Variants in ZNF717 observed in about 807,000 individuals in gnomAD.
ZNF717 encodes zinc finger protein 717, also known as krueppel-like factor X17.
Under a neutral mutation model 13.8 loss-of-function variants are expected in ZNF717, and 9 were observed. The ratio of observed to expected loss-of-function variants is 0.65; its 90% CI spans 0.39 to 1.14. The LOEUF is 1.14. Among genes scored for constraint, ZNF717 ranks in the 50% most tolerant of loss-of-function variants. ZNF717 has a pLI of 0.01. For missense variants in ZNF717, 1,040 were observed against 1,080.7 expected (o/e 0.96, Z 0.53); for synonymous variants, 327 against 364.1 (o/e 0.90, Z 1.16).
At chr3:75,728,396 TA>T (rs1478761016), downstream of ZNF717, among the ~76,000 whole-genome samples, 1 of 152,160 alleles carries the variant, frequency 6.6e-6, no homozygotes, top group Non-Finnish European at 1.5e-5. Context: ...GTTCCAAATT[TA>T]AAGGGGAAAG....
intron 6 of ZNF717, among the ~76,000 whole-genome samples, chr3:75,702,938 A>C (rs1388330383): frequency 1.3e-5 from 2 of 152,282 alleles, no homozygotes; most frequent in Non-Finnish European, 2.9e-5. Flanking sequence ...AGTGGAAAAA[A>C]GAAGGATTTT....
intron 2 of ZNF717, among the ~76,000 whole-genome samples, chr3:75,756,097 G>GTC (rs570061435): frequency 1.8e-3 from 272 of 152,288 alleles, no homozygotes; most frequent in African/African-American, 5.9e-3. Context: ...CTCACTTCAC[G>GTC]TCTCTGTCAC....
chr3:75,721,261 T>C (rs76101841), intron 4 of ZNF717, among the ~76,000 whole-genome samples: 57 of 143,214 alleles, frequency 4.0e-4, no homozygotes, highest in Middle Eastern at 3.7e-3. Flanking sequence ...ATGACAACAT[T>C]GCTAACTGAT....
chr3:75,739,918 T>C (rs1387092066), intron 4 of ZNF717, among the ~76,000 whole-genome samples: 1 of 152,202 alleles, frequency 6.6e-6, no homozygotes. Flanking sequence ...AGAAAATCTC[T>C]TATTCCCCAT....
intron 3 of ZNF717, 104 bp downstream of exon 3, chr3:75,741,503 TTCA>T: frequency 6.9e-7 from 1 of 1,458,628 alleles, no homozygotes; most frequent in Admixed American, 2.0e-5. Context: ...TGACACATTT[TTCA>T]TCAACTGGAA....
intron 2 of ZNF717, among the ~76,000 whole-genome samples, chr3:75,750,240 C>T (rs1217564926): frequency 2.7e-5 from 4 of 150,716 alleles, no homozygotes; most frequent in Non-Finnish European, 4.4e-5. Context: ...TTCCAGAACA[C>T]TGCTGGTGGG....
At chr3:75,746,538 C>A (rs1941188873) in intron 2 of ZNF717, among the ~76,000 whole-genome samples, 2 of 152,148 alleles carry the variant, frequency 1.3e-5, no homozygotes, top group African/African-American at 2.4e-5. Flanking sequence ...TCCTCTCCAG[C>A]ACCTGTTGTT....
downstream of ZNF717, among the ~76,000 whole-genome samples, chr3:75,732,492 C>A (rs1241063267): frequency 9.9e-5 from 15 of 152,140 alleles, no homozygotes; most frequent in Non-Finnish European, 2.2e-4. Flanking sequence ...AGGGGTGGGA[C>A]CTTTGAAAGG....
At chr3:75,725,095 ATC>A (rs1938251707), downstream of ZNF717, among the ~76,000 whole-genome samples, 1 of 151,794 alleles carries the variant, frequency 6.6e-6, no homozygotes, top group African/African-American at 2.4e-5. Context: ...CCTCCCTCTC[ATC>A]TGAAATATTT....
At chr3:75,764,741 C>A (rs1171577331) in intron 2 of ZNF717, among the ~76,000 whole-genome samples, 2 of 152,048 alleles carry the variant, frequency 1.3e-5, no homozygotes, top group Non-Finnish European at 2.9e-5. Flanking sequence ...CACTTCAAAC[C>A]CAACAGAAAG....
At chr3:75,718,940 G>C (rs1018368510) in intron 4 of ZNF717, among the ~76,000 whole-genome samples, 1 of 152,094 alleles carries the variant, frequency 6.6e-6, no homozygotes, top group Non-Finnish European at 1.5e-5. Flanking sequence ...AAAAAGTATT[G>C]TGAAAATATT....
chr3:75,758,879 T>C (rs1247556989), intron 2 of ZNF717, among the ~76,000 whole-genome samples: 2 of 151,700 alleles, frequency 1.3e-5, no homozygotes, highest in African/African-American at 4.8e-5. Context: ...GGCACGCACC[T>C]GTAGTCCCAG....
intron 2 of ZNF717, among the ~76,000 whole-genome samples, chr3:75,774,377 G>C (rs1308313670): frequency 6.6e-6 from 1 of 151,814 alleles, no homozygotes; most frequent in Non-Finnish European, 1.5e-5. Flanking sequence ...ATATTTAATA[G>C]GCTTCCCAAA....
chr3:75,764,726 G>A (rs1329088552), intron 2 of ZNF717, among the ~76,000 whole-genome samples: 5 of 152,076 alleles, frequency 3.3e-5, no homozygotes, highest in African/African-American at 1.2e-4. Context: ...ACCACAATGG[G>A]ACATCACTTC....
At chr3:75,756,424 T>G (rs1196334009) in intron 2 of ZNF717, among the ~76,000 whole-genome samples, 3 of 152,254 alleles carry the variant, frequency 2.0e-5, no homozygotes, top group Non-Finnish European at 4.4e-5. Flanking sequence ...GAAGAAATAA[T>G]TAAGCTTAGT....
downstream of ZNF717, chr3:75,732,179 C>A (rs1461840599): frequency 1.4e-5 from 10 of 702,090 alleles, no homozygotes; most frequent in Non-Finnish European, 2.6e-5. Context: ...CTGTTCTTAA[C>A]AAGGCTTATC....
chr3:75,756,670 C>CTT (rs112007810), intron 2 of ZNF717, among the ~76,000 whole-genome samples: 57 of 149,012 alleles, frequency 3.8e-4, no homozygotes, highest in African/African-American at 1.3e-3. Context: ...TCTCCTTTTT[C>CTT]TTTTTTTTTT....
At position 75,703,764 on chromosome 3, in the gene ZNF717, G is replaced by A. The variant is rs1387230767; in HGVS notation, n.1085+7423C>T. On this transcript the variant is annotated intron_variant and non_coding_transcript_variant, in intron 6 of 6. Coordinates refer to the ZNF717 transcript ENST00000648506. ...CTAAGAAATACATTTTCTCCTTGAG[G>A]AGTAGACTTGCTGTGTTAGAGGGAC... 8.5e-5 allele frequency among the ~76,000 whole-genome samples: 13 copies of A among 152,404 alleles called. No individual in the cohort carries two copies. The East Asian group carries it at 1.7e-3, about 20-fold the overall frequency.
chr3:75,771,070 T>A (rs1358666772), intron 2 of ZNF717, among the ~76,000 whole-genome samples: 1 of 152,194 alleles, frequency 6.6e-6, no homozygotes, highest in Non-Finnish European at 1.5e-5. Context: ...CCTAACTTAA[T>A]AGGTAGAAAG....
Sources: gnomAD v4.1 joint callset for allele counts (sites outside exome capture counted in the v4.1 genomes callset) on GRCh38, gnomAD v4.1.1 for gene constraint, MANE v1.5 for transcripts, NCBI Gene and HGNC (gene_info 2026-07-23, HGNC 2026-07-21) for gene names.